Variants in TLE4 observed in about 807,000 individuals in gnomAD.
TLE4 encodes TLE family member 4, transcriptional corepressor.
TLE4 carries 8 observed loss-of-function variants against 92.8 expected under a neutral mutation model. That is an observed-to-expected ratio of 0.09 (90% CI 0.05 to 0.16). The LOEUF (loss-of-function observed/expected upper bound fraction) is 0.16, where lower values mean the gene tolerates loss of function less well. Ranked by LOEUF, TLE4 falls within the 10% of genes least tolerant of loss-of-function variation. The probability of loss-of-function intolerance (pLI) is 1.00; values close to 1 mark genes in which losing one functional copy is unlikely to be tolerated. For missense variants in TLE4, 675 were observed against 997.6 expected, an observed-to-expected ratio of 0.68 and a Z score of 4.36; for synonymous variants, 371 against 374.1, an observed-to-expected ratio of 0.99 and a Z score of 0.10.
chr9:79,705,674 G>A (rs531870161), intron 9 of TLE4, among the ~76,000 whole-genome samples: 1 of 152,326 alleles, frequency 6.6e-6, no homozygotes, highest in African/African-American at 2.4e-5. Context: ...TCTTGGTGCA[G>A]TGGGTAGTGC....
intron 8 of TLE4, among the ~76,000 whole-genome samples, chr9:79,688,910 A>G (rs991110222): frequency 6.6e-6 from 1 of 152,018 alleles, no homozygotes; most frequent in African/African-American, 2.4e-5. Flanking sequence ...GGAGGACAAC[A>G]TATCTTCCCC....
intron 4 of TLE4, among the ~76,000 whole-genome samples, chr9:79,589,383 G>T (rs1167361826): frequency 6.6e-6 from 1 of 151,930 alleles, no homozygotes; most frequent in African/African-American, 2.4e-5. Flanking sequence ...TCTGAATAGA[G>T]ATATTACATG....
intron 10 of TLE4, among the ~76,000 whole-genome samples, 153 bp from the exon 11 acceptor site, chr9:79,706,590 TTTCG>T (rs2071637189): frequency 6.6e-6 from 1 of 152,150 alleles, no homozygotes; most frequent in East Asian, 1.9e-4. Context: ...TACTGAATAT[TTTCG>T]TTAGTAGTTT....
intron 14 of TLE4, chr9:79,718,217 G>T (rs1486634099): frequency 7.9e-6 from 3 of 381,860 alleles, no homozygotes; most frequent in Non-Finnish European, 1.5e-5. Context: ...CAACGTCTAA[G>T]CCTAGAGGCT....
intron 6 of TLE4, among the ~76,000 whole-genome samples, chr9:79,648,668 T>C (rs1182784722): frequency 6.6e-6 from 1 of 152,196 alleles, no homozygotes; most frequent in Admixed American, 6.5e-5. Context: ...GTGAGTATCG[T>C]GACAAGTAGA....
intron 8 of TLE4, among the ~76,000 whole-genome samples, chr9:79,678,942 G>T (rs2063844052): frequency 1.3e-5 from 2 of 152,140 alleles, no homozygotes; most frequent in East Asian, 1.9e-4. Flanking sequence ...CCCTACAAAG[G>T]ACAGGAACTC....
chr9:79,711,373 G>A (rs1427334132), intron 14 of TLE4, among the ~76,000 whole-genome samples: 4 of 152,202 alleles, frequency 2.6e-5, no homozygotes, highest in Admixed American at 2.6e-4. Context: ...TGATGTATTT[G>A]AAGGTGAAAG....
Position 79,714,017 on chromosome 9 carries a change from C to T in TLE4, c.1340+4318C>T, listed in dbSNP as rs1346363354. On this transcript the variant is annotated intron_variant, in intron 14 of 19. Transcript: ENST00000376552. ...TAGCTGGGATTACAGGCACATGCGC[C>T]ACCACACCTGGCTAATTTTTATGTA... Among the ~76,000 whole-genome samples, 3 of 152,076 alleles carry T rather than the reference C, an allele frequency of 2.0e-5. No individual in the cohort carries two copies. In the East Asian group the frequency reaches 5.8e-4, roughly 29 times the overall value.
intron 8 of TLE4, chr9:79,671,548 G>A (rs775291784): frequency 7.0e-5 from 18 of 258,012 alleles, no homozygotes; most frequent in Admixed American, 8.1e-5. Flanking sequence ...GATGCTTGTC[G>A]AGCAGGAGAG....
rs1311117998 is a variant in TLE4 at position 79,708,512 on chromosome 9, C to A, written c.1070-81C>A. ...AATAAGCTCATTTGAACCATAGATT[C>A]TATTTTGTGACATGTTTACAAATGT... On this transcript the variant is annotated intron_variant, in intron 12 of 19. Transcript: ENST00000376552. 14 of 1,339,948 alleles carry A rather than the reference C, an allele frequency of 1.0e-5. No homozygotes were observed. The South Asian group carries it at 1.9e-4, about 18-fold the overall frequency. 83.0% of individuals were successfully genotyped at this position (1,339,948 alleles called of 1,614,324 possible).
intron 4 of TLE4, among the ~76,000 whole-genome samples, chr9:79,610,689 A>G (rs2133003838): frequency 6.6e-6 from 1 of 152,198 alleles, no homozygotes; most frequent in East Asian, 1.9e-4. Context: ...GTGTGTGTTA[A>G]CCTATGTGAT....
chr9:79,635,833 C>A (rs924612591), intron 6 of TLE4, among the ~76,000 whole-genome samples: 2 of 152,104 alleles, frequency 1.3e-5, no homozygotes, highest in African/African-American at 4.8e-5. Context: ...CTTCCTTGCC[C>A]TTTGCAGTAC....
At chr9:79,589,108 C>G (rs2041922841) in intron 4 of TLE4, among the ~76,000 whole-genome samples, 1 of 152,124 alleles carries the variant, frequency 6.6e-6, no homozygotes, top group African/African-American at 2.4e-5. Context: ...CTTAGCTGGC[C>G]TAGAATTTCA....
At chr9:79,684,176 A>G (rs1259425472) in intron 8 of TLE4, among the ~76,000 whole-genome samples, 3 of 152,208 alleles carry the variant, frequency 2.0e-5, no homozygotes, top group Non-Finnish European at 4.4e-5. Flanking sequence ...CTGGTATGAA[A>G]TCGAAAGCAT....
intron 14 of TLE4, among the ~76,000 whole-genome samples, chr9:79,712,019 C>T (rs1285461870): frequency 6.6e-6 from 1 of 152,114 alleles, no homozygotes; most frequent in Non-Finnish European, 1.5e-5. Flanking sequence ...TGCACAATTT[C>T]TTTGTGAGCT....
Position 79,720,048 on chromosome 9 carries a change from C to T in TLE4, c.1593C>T (p.Asn531=), listed in dbSNP as rs775102069. The change falls in exon 16 of 20, where the codon AAC becomes AAT. Residue 531 remains asparagine, a splice_region_variant and synonymous_variant. Transcript: ENST00000376552. ...KSPVSQLDCL[N]RDNYIRSCRL... ...CTTGATGGTTTTTGTCTCTACAGAA[C>T]AGGGATAACTACATCCGTTCCTGCA... is the stretch of plus-strand genomic sequence containing the variant. The T allele has an allele frequency of 7.5e-6, 12 of 1,607,366 alleles. No individual in the cohort carries two copies. Among genetic ancestry groups the T allele is most frequent in the Admixed American group, 5.0e-5 (3 of 59,840 alleles).
At chr9:79,711,251 T>G (rs926468323) in intron 14 of TLE4, among the ~76,000 whole-genome samples, 1 of 152,210 alleles carries the variant, frequency 6.6e-6, no homozygotes, top group Non-Finnish European at 1.5e-5. Flanking sequence ...AAAGACAAAT[T>G]AGAGTTCCTC....
chr9:79,638,283 A>C (rs2056403871), intron 6 of TLE4, among the ~76,000 whole-genome samples: 1 of 152,084 alleles, frequency 6.6e-6, no homozygotes, highest in African/African-American at 2.4e-5. Context: ...TATCTTTGAA[A>C]TTACTTCATT....
chr9:79,696,408 T>C (rs1025781789), intron 8 of TLE4, among the ~76,000 whole-genome samples: 1 of 152,260 alleles, frequency 6.6e-6, no homozygotes, highest in South Asian at 2.1e-4. Context: ...GAAAACTGTT[T>C]AGCCCTTTTG....
Sources: gnomAD v4.1 joint callset for allele counts (sites outside exome capture counted in the v4.1 genomes callset) on GRCh38, gnomAD v4.1.1 for gene constraint, MANE v1.5 for transcripts, NCBI Gene and HGNC (gene_info 2026-07-23, HGNC 2026-07-21) for gene names.